Variants in HYI observed in about 807,000 individuals in gnomAD.
HYI encodes the protein hydroxypyruvate isomerase (putative).
HYI carries 47 observed loss-of-function variants against 39.7 expected under a neutral mutation model. The ratio of observed to expected loss-of-function variants is 1.18; its 90% CI spans 0.94 to 1.51. HYI has a LOEUF of 1.51. Ranked by LOEUF, HYI falls within the 40% of genes most tolerant of loss-of-function variation. The probability of loss-of-function intolerance (pLI) is 0.00; values close to 1 mark genes in which losing one functional copy is unlikely to be tolerated. For synonymous variants in HYI, 186 were observed against 158.8 expected (o/e 1.17, Z -1.29); for missense variants, 465 against 370.3 (o/e 1.26, Z -2.10).
At chr1:43,452,743 C>T (rs1656578630) in intron 2 of HYI, 1 of 710,560 alleles carries the variant, frequency 1.4e-6, no homozygotes, top group East Asian at 2.7e-5. Context: ...TAGTGATCCC[C>T]TCTTGCCAGT....
intron 1 of HYI, 46 bp downstream of exon 1, chr1:43,453,549 C>A: frequency 6.6e-7 from 1 of 1,519,978 alleles, no homozygotes; most frequent in African/African-American, 1.4e-5. Flanking sequence ...CCTGCCCGCG[C>A]CCCGGCACCC....
rs769417614 is a variant in HYI, at chr1:43,451,019, TTAA to T, written c.*216_*218del. ...TCTCGGACCCTGGGTTTCTCATCCT[TTAA>T]TGAGGTGGGTTCAGAAGCTCTCCCA... On this transcript the variant is annotated 3_prime_UTR_variant, in exon 8 of 8. Transcript: ENST00000372430. 6.5e-6 allele frequency: 5 copies of T among 769,788 alleles called. No individual in the cohort carries two copies. The African/African-American group carries it at 8.4e-5, about 13-fold the overall frequency. 47.7% of individuals were successfully genotyped at this position (769,788 alleles called of 1,614,324 possible). A position where few individuals can be genotyped will look rare whatever the true frequency, so the allele number is the denominator to read the frequency against.
chr1:43,451,157 G>A lies in HYI; in HGVS notation c.*81C>T, dbSNP rs1656353947. The A allele has an allele frequency of 1.6e-6, 2 of 1,288,236 alleles. No individual in the cohort carries two copies. The highest frequency in any genetic ancestry group is 2.3e-6 in the Non-Finnish European group (2 of 883,930). The allele number at this position is 1,288,236 out of a possible 1,614,324, so 79.8% of individuals were successfully genotyped here. A position where few individuals can be genotyped will look rare whatever the true frequency, so the allele number is the denominator to read the frequency against. On this transcript the variant is annotated 3_prime_UTR_variant, in exon 8 of 8. Transcript: ENST00000372430. The stretch of plus-strand genomic sequence containing the variant: ...CCCCATTACAGAGACATATGACAAT[G>A]TTCAGCAGGTCATCTTTAATGCAGA...
In HYI at chr1:43,451,452, C is replaced by T; in HGVS notation, c.718G>A (p.Glu240Lys). The change falls in exon 7 of 8, where the codon GAA becomes AAA. Residue 240 changes from glutamate to lysine, a missense_variant. Physicochemically the swap from Glu to Lys is moderately conservative, Grantham distance 56 (BLOSUM62 1). Transcript: ENST00000372430. ...CAGCCCACGAAGCCTTTGTAGCCTT[C>T]ATCTTCCAGCAGTTGAAACAGATAG... The part of the protein sequence containing the change: ...FPYLFQLLED[E>K]GYKGFVGCEY... 6.2e-7 allele frequency: 1 copy of T among 1,613,910 alleles called. No homozygotes were observed. The highest frequency in any genetic ancestry group is 2.2e-5 in the East Asian group (1 of 44,880).
At position 43,453,484 on chromosome 1, in the gene HYI, C is replaced by T. The variant is rs773859072; in HGVS notation, c.213G>A (p.Lys71=). Residue 71 remains lysine (K), a synonymous_variant, in exon 2 of 8, where the codon AAG becomes AAA. Coordinates refer to ENST00000372430, the MANE Select transcript of HYI (RefSeq NM_001190880.3). ...LINTPPGDQE[K]GEMGLGAVPG... is the part of the protein sequence containing the mutation. ...GGACGGCCCCCAGCCCCATTTCCCC[C>T]TTCTCTTGGTCTCCTGCAGAGAGAA... 2 of 1,557,770 alleles carry T rather than the reference C, an allele frequency of 1.3e-6. No individual in the cohort carries two copies. Among genetic ancestry groups the T allele is most frequent in the Non-Finnish European group, 1.7e-6 (2 of 1,149,950 alleles).
chr1:43,450,904 C>G, downstream of HYI: 2 of 742,792 alleles, frequency 2.7e-6, no homozygotes, highest in Non-Finnish European at 4.9e-6. This position sits in a 1 kb window ranked among gnomAD's most constrained non-coding sequence, Gnocchi z 4.3. Context: ...ACTTGGACAT[C>G]ACTGCTGGAC....
rs760494083 is a variant in HYI, at chr1:43,451,474, A to G, written c.696T>C (p.Tyr232=). ...CTTCATCTTCCAGCAGTTGAAACAG[A>G]TAGGGGAAATTCAGCTCTCCGGGGC... ...PSSPGELNFP[Y]LFQLLEDEGY... is the part of the protein sequence containing the mutation. The change falls in exon 7 of 8, where the codon TAT becomes TAC. Residue 232 remains tyrosine, a synonymous_variant. Transcript: ENST00000372430. 1 of 1,614,094 alleles carries G rather than the reference A, an allele frequency of 6.2e-7. No homozygotes were observed. The highest frequency in any genetic ancestry group is 1.1e-5 in the South Asian group (1 of 91,090).
chr1:43,450,706 GAGTC>G, downstream of HYI: 2 of 728,820 alleles, frequency 2.7e-6, no homozygotes, highest in Non-Finnish European at 4.7e-6. The surrounding 1 kb of genome is among the most constrained non-coding windows in gnomAD (Gnocchi z 4.3). Flanking sequence ...GGACTCCAGA[GAGTC>G]AGGTCAACCC....
Position 43,453,708 on chromosome 1 carries a change from C to G in HYI, c.86G>C (p.Ser29Thr), listed in dbSNP as rs1242610355. Residue 29 changes from serine to threonine, a missense_variant, in exon 1 of 8, where the codon AGC (serine) becomes ACC (threonine). By Grantham distance (58) the Ser-to-Thr change is moderately conservative (BLOSUM62 1). Coordinates refer to ENST00000372430, the MANE Select transcript of HYI (RefSeq NM_001190880.3). ...CACCTCGACGGCCTCGAAGCCCGAG[C>G]TGCCCGCGGCCCGCACCCGCGCGGG... ...GLPARVRAAG[S>T]SGFEAVEVAW... 4.9e-6 allele frequency: 7 copies of G among 1,417,076 alleles called. No homozygotes were observed. The highest frequency in any genetic ancestry group is 6.4e-6 in the Non-Finnish European group (7 of 1,095,576). 87.8% of individuals were successfully genotyped at this position (1,417,076 alleles called of 1,614,324 possible). A position where few individuals can be genotyped will look rare whatever the true frequency, so the allele number is the denominator to read the frequency against.
At chr1:43,452,934 C>A (rs1029458781) in intron 2 of HYI, 1 of 1,608,392 alleles carries the variant, frequency 6.2e-7, no homozygotes, top group South Asian at 1.1e-5. Context: ...GCCAAATACA[C>A]CAGGCCTCCT....
At position 43,451,550 on chromosome 1, in the gene HYI, G is replaced by C; in HGVS notation, c.626-6C>G. The C allele has an allele frequency of 1.9e-6, 3 of 1,613,664 alleles. No individual in the cohort carries two copies. The highest frequency in any genetic ancestry group is 2.5e-6 in the Non-Finnish European group (3 of 1,179,692). ...CTGTGCCACCTGCACATGCCCTGGG[G>C]ACAGATGTGGACAAATGTGGGGTCC... On this transcript the variant is annotated splice_region_variant and splice_polypyrimidine_tract_variant and intron_variant, in intron 6 of 7. Transcript: ENST00000372430.
rs1366701204 is a variant in HYI, at chr1:43,451,831, C to T, written c.522G>A (p.Gln174=). 9 of 1,614,060 alleles carry T rather than the reference C, an allele frequency of 5.6e-6. No homozygotes were observed. The highest frequency in any genetic ancestry group is 5.5e-5 in the South Asian group (5 of 91,074). Residue 174 remains glutamine, a synonymous_variant, in exon 5 of 8, where the codon CAG becomes CAA. Transcript: ENST00000372430. ...DTPQQAAAIL[Q]KVGRPNLQLQ... The stretch of plus-strand genomic sequence containing the variant: ...ATTGGAGGTTGGGTCTTCCTACCTT[C>T]TGTAAGATGGCTGCCGCTGTAAGAG...
intron 2 of HYI, chr1:43,452,576 C>T (rs1656562915): frequency 3.3e-6 from 2 of 611,476 alleles, no homozygotes; most frequent in Non-Finnish European, 2.9e-6. Flanking sequence ...TTCCCTCGGT[C>T]CTTCTCCGCA....
At chr1:43,452,183 T>C in intron 3 of HYI, 22 bp downstream of exon 3, 22 of 1,585,794 alleles carry the variant, frequency 1.4e-5, no homozygotes, top group Non-Finnish European at 1.8e-5. Flanking sequence ...TGTAAGTACG[T>C]GTGTGTTTCC....
rs1656361328 is a variant in HYI, at chr1:43,451,226, G to A, written c.*12C>T. The A allele has an allele frequency of 6.2e-7, 1 of 1,613,472 alleles. No homozygotes were observed. The highest frequency in any genetic ancestry group is 8.5e-7 in the Non-Finnish European group (1 of 1,179,502). Reference sequence around the variant, plus strand: ...CTCGCTGTCTGGAGGCACGTGGGTGGTGTGCGGGCCCTCACTGGCCAGCCT... The same window carrying A: ...CTCGCTGTCTGGAGGCACGTGGGTGATGTGCGGGCCCTCACTGGCCAGCCT... On this transcript the variant is annotated 3_prime_UTR_variant, in exon 8 of 8. Transcript: ENST00000372430.
chr1:43,451,547 G>C lies in HYI; in HGVS notation c.626-3C>G, dbSNP rs759629895. 3.1e-6 allele frequency: 5 copies of C among 1,613,810 alleles called. No individual in the cohort carries two copies. The highest frequency in any genetic ancestry group is 2.2e-5 in the South Asian group (2 of 91,054). On this transcript the variant is annotated splice_region_variant and splice_polypyrimidine_tract_variant and intron_variant, in intron 6 of 7. Coordinates refer to ENST00000372430, the MANE Select transcript of HYI (RefSeq NM_001190880.3). ...GACCTGTGCCACCTGCACATGCCCTGGGGACAGATGTGGACAAATGTGGGG... is the reference window on the plus strand; with the variant it reads ...GACCTGTGCCACCTGCACATGCCCTCGGGACAGATGTGGACAAATGTGGGG...
intron 2 of HYI, 123 bp from the exon 3 acceptor site, chr1:43,452,442 A>G: frequency 2.6e-6 from 2 of 774,692 alleles, no homozygotes; most frequent in East Asian, 2.7e-5. Context: ...CACCTGGGTC[A>G]CGATGCCCAG....
downstream of HYI, chr1:43,450,872 A>G (rs759058629): frequency 2.8e-6 from 2 of 724,148 alleles, no homozygotes; most frequent in Admixed American, 1.7e-5. The surrounding 1 kb of genome is among the most constrained non-coding windows in gnomAD (Gnocchi z 4.3). Flanking sequence ...GTGTCCCTTG[A>G]GCCTTCGGGT....
downstream of HYI, chr1:43,450,762 C>T (rs1656296547): frequency 2.8e-6 from 2 of 704,810 alleles, no homozygotes; most frequent in South Asian, 3.0e-5. The surrounding 1 kb of genome is among the most constrained non-coding windows in gnomAD (Gnocchi z 4.3). Context: ...CTTTCGGCCC[C>T]CCTGGTAGAG....
Sources: gnomAD v4.1 joint callset for allele counts on GRCh38, gnomAD v4.1.1 for gene constraint, Gnocchi (gnomAD v3.1) non-coding constraint, MANE v1.5 for transcripts, NCBI Gene and HGNC (gene_info 2026-07-23, HGNC 2026-07-21) for gene names.